ATXN1: variants seen among roughly 807,000 people sequenced by gnomAD.
The protein encoded by ATXN1 is ataxin 1, also known as ataxin-1.
A neutral mutation model predicts 56.4 loss-of-function variants in ATXN1; 8 were observed. The ratio of observed to expected loss-of-function variants is 0.14; its 90% CI spans 0.08 to 0.26. The LOEUF is 0.26. Ranked by LOEUF, ATXN1 falls within the 10% of genes least tolerant of loss-of-function variation. ATXN1 has a pLI of 1.00. For synonymous variants in ATXN1, 514 were observed against 494.6 expected, an observed-to-expected ratio of 1.04 and a Z score of -0.52; for missense variants, 987 against 1,106.5, an observed-to-expected ratio of 0.89 and a Z score of 1.53.
rs957421264 is a variant in ATXN1 at position 16,648,958 on chromosome 6, A to G, written c.-489+8818T>C. Among the ~76,000 whole-genome samples the G allele has an allele frequency of 4.0e-5, 6 of 151,876 alleles. No homozygotes were observed. In the South Asian group the frequency reaches 1.2e-3, roughly 31 times the overall value. On this transcript the variant is annotated intron_variant, in intron 3 of 7. Transcript: ENST00000436367. ...AACTCTATTTTATATATGTATATAC[A>G]CATATGCATACATATATAATATAAA...
chr6:16,693,867 G>A (rs549550047), intron 2 of ATXN1, among the ~76,000 whole-genome samples: 2 of 152,258 alleles, frequency 1.3e-5, no homozygotes, highest in South Asian at 4.1e-4. Flanking sequence ...TCCACCCCCA[G>A]TCACCCTTCA....
chr6:16,439,611 A>G (rs1759472435), intron 6 of ATXN1, among the ~76,000 whole-genome samples: 1 of 152,174 alleles, frequency 6.6e-6, no homozygotes, highest in Admixed American at 6.5e-5. Flanking sequence ...TGTTAAACAA[A>G]TAAAAAATTG....
intron 6 of ATXN1, among the ~76,000 whole-genome samples, chr6:16,363,931 C>G (rs370076141): frequency 6.6e-6 from 1 of 152,186 alleles, no homozygotes; most frequent in African/African-American, 2.4e-5. Flanking sequence ...AATAAAATCC[C>G]AACCTAAAAT....
At chr6:16,569,528 GAAAAAAA>G (rs60416047) in intron 4 of ATXN1, among the ~76,000 whole-genome samples, 2,130 of 96,390 alleles carry the variant, frequency 0.022, 76 homozygotes, top group African/African-American at 0.083. Flanking sequence ...CTCCGTCTCA[GAAAAAAA>G]AAAAAAAAAA....
intron 2 of ATXN1, among the ~76,000 whole-genome samples, chr6:16,724,756 T>C (rs1023269167): frequency 2.0e-5 from 3 of 152,204 alleles, no homozygotes; most frequent in Non-Finnish European, 4.4e-5. Context: ...TCAGGTTTGA[T>C]TGCTGATATA....
intron 6 of ATXN1, among the ~76,000 whole-genome samples, chr6:16,479,436 C>T (rs1448289820): frequency 6.6e-6 from 1 of 152,144 alleles, no homozygotes; most frequent in East Asian, 1.9e-4. Context: ...TATTACATAG[C>T]TACCACTGGA....
intron 2 of ATXN1, among the ~76,000 whole-genome samples, chr6:16,715,241 A>G (rs774233280): frequency 1.8e-4 from 28 of 152,214 alleles, no homozygotes; most frequent in Non-Finnish European, 3.5e-4. Context: ...CCCATGCTAC[A>G]TGCGTTCAGA....
At chr6:16,382,923 G>A (rs531777430) in intron 6 of ATXN1, among the ~76,000 whole-genome samples, 51 of 152,044 alleles carry the variant, frequency 3.4e-4, no homozygotes, top group African/African-American at 1.2e-3. Context: ...TGGGGAGGGT[G>A]GAAGTGGGGA....
At position 16,410,001 on chromosome 6, in the gene ATXN1, C is replaced by T. The variant is rs1758765617; in HGVS notation, c.-161+75971G>A. 6.6e-6 allele frequency among the ~76,000 whole-genome samples: 1 copy of T among 152,214 alleles called. No homozygotes were observed. Among genetic ancestry groups the T allele is most frequent in the African/African-American group, 2.4e-5 (1 of 41,452 alleles). On this transcript the variant is annotated intron_variant, in intron 6 of 7. Coordinates refer to ENST00000436367, the MANE Select transcript of ATXN1 (RefSeq NM_001128164.2). The surrounding 1 kb of genome is among the most constrained non-coding windows in gnomAD (Gnocchi z 4.6). ...TAACCCTTCAAGACTGGGCATGTGT[C>T]CAGTGATGCTCTGAAGCTGGCAAAG...
At chr6:16,361,577 C>G (rs995087330) in intron 6 of ATXN1, among the ~76,000 whole-genome samples, 3 of 152,096 alleles carry the variant, frequency 2.0e-5, no homozygotes, top group Admixed American at 2.0e-4. Flanking sequence ...CTTGCATAAA[C>G]AAATCAAAGG....
chr6:16,462,692 G>A (rs535636613), intron 6 of ATXN1, among the ~76,000 whole-genome samples: 4 of 152,164 alleles, frequency 2.6e-5, no homozygotes, highest in Admixed American at 6.5e-5. Flanking sequence ...CCCTGTAACC[G>A]TGAATACCAT....
In ATXN1 at chr6:16,580,595, A is replaced by G. The variant is rs147017673; in HGVS notation, c.-361+5185T>C. On this transcript the variant is annotated intron_variant, in intron 4 of 7. Transcript: ENST00000436367. ...GTAAACACAGATGATGGAATAGTCT[A>G]CCTTATTTCATGAGAGTTATTACAA... is the stretch of plus-strand genomic sequence containing the variant. Among the ~76,000 whole-genome samples the G allele has an allele frequency of 3.5e-3, 536 of 152,342 alleles. 8 individuals carry two copies. Among genetic ancestry groups the G allele is most frequent in the Admixed American group, 0.031 (472 of 15,304 alleles).
At chr6:16,581,989 T>C (rs1232441405) in intron 4 of ATXN1, among the ~76,000 whole-genome samples, 4 of 152,218 alleles carry the variant, frequency 2.6e-5, no homozygotes, top group African/African-American at 9.6e-5. Flanking sequence ...AATTGAGAGA[T>C]GAGTAGCCCG....
intron 6 of ATXN1, among the ~76,000 whole-genome samples, chr6:16,405,851 C>T (rs767725398): frequency 5.9e-5 from 9 of 151,912 alleles, no homozygotes; most frequent in Non-Finnish European, 1.0e-4. Flanking sequence ...AATTTACTGG[C>T]GGTGAAAGAA....
chr6:16,337,824 G>A (rs552404295), intron 6 of ATXN1, among the ~76,000 whole-genome samples: 1 of 152,276 alleles, frequency 6.6e-6, no homozygotes, highest in South Asian at 2.1e-4. Context: ...GTGAGAGGAA[G>A]TGAGCCCTCT....
chr6:16,372,859 G>A (rs1345598587), intron 6 of ATXN1, among the ~76,000 whole-genome samples: 1 of 152,136 alleles, frequency 6.6e-6, no homozygotes, highest in Non-Finnish European at 1.5e-5. Flanking sequence ...GAGGCTATAG[G>A]GAGCTGTGAT....
chr6:16,316,865 CTTT>C (rs375359789), intron 7 of ATXN1, among the ~76,000 whole-genome samples: 1,207 of 99,418 alleles, frequency 0.012, 17 homozygotes, highest in Non-Finnish European at 0.016. Context: ...GACTGCCTGT[CTTT>C]TTTTTTTTTT....
intron 6 of ATXN1, among the ~76,000 whole-genome samples, chr6:16,422,259 G>T (rs1302054237): frequency 6.6e-6 from 1 of 152,156 alleles, no homozygotes; most frequent in East Asian, 1.9e-4. Flanking sequence ...AAATGTTTTT[G>T]CCAGCAGAAA....
chr6:16,424,279 C>G (rs1006163250), intron 6 of ATXN1, among the ~76,000 whole-genome samples: 1 of 152,182 alleles, frequency 6.6e-6, no homozygotes, highest in African/African-American at 2.4e-5. Flanking sequence ...AAGAAGGACA[C>G]AAGCCGGGTG....
Sources: allele counts gnomAD v4.1 joint callset (sites outside exome capture counted in the v4.1 genomes callset), GRCh38; gene constraint gnomAD v4.1.1; non-coding constraint Gnocchi (gnomAD v3.1); transcripts MANE v1.5; gene names NCBI Gene and HGNC (gene_info 2026-07-23, HGNC 2026-07-21).